The following DPP3 variants were observed in gnomAD, a reference collection of about 807,000 sequenced individuals.
DPP3 encodes DPP III.
Under a neutral mutation model 89.8 loss-of-function variants are expected in DPP3, and 64 were observed. The ratio of observed to expected loss-of-function variants is 0.71; its 90% CI spans 0.58 to 0.88. The LOEUF (loss-of-function observed/expected upper bound fraction) is 0.88. DPP3 is among the 40% of genes least tolerant of loss of function. The pLI, the probability that DPP3 is intolerant of heterozygous loss-of-function variation, is 0.00. For synonymous variants in DPP3, 377 were observed against 404.3 expected (o/e 0.93, Z 0.81); for missense variants, 835 against 972.5 (o/e 0.86, Z 1.88).
Position 66,495,320 on chromosome 11 carries a change from G to A in DPP3, c.1453-45G>A, listed in dbSNP as rs377158023. ...GGGTACTGGGAGGGTGGGCACAGGT[G>A]GGGCAGTGGCCACCTTAAGCCCGAC... On this transcript the variant is annotated intron_variant, in intron 13 of 17. Coordinates refer to ENST00000531863, the MANE Select transcript of DPP3 (RefSeq NM_130443.4). The A allele has an allele frequency of 5.0e-6, 8 of 1,613,782 alleles. No homozygotes were observed. The African/African-American group carries it at 6.7e-5, about 13-fold the overall frequency.
intron 17 of DPP3, among the ~76,000 whole-genome samples, chr11:66,507,852 T>C (rs942398115): frequency 6.6e-6 from 1 of 151,902 alleles, no homozygotes. Flanking sequence ...TAATTTTGTA[T>C]TTTTAGTAGA....
intron 6 of DPP3, among the ~76,000 whole-genome samples, chr11:66,488,705 T>C (rs1006148605): frequency 6.6e-6 from 1 of 151,930 alleles, no homozygotes; most frequent in Non-Finnish European, 1.5e-5. Context: ...GACAGAAGTG[T>C]CCAGGCCTTT....
At position 66,495,820 on chromosome 11, in the gene DPP3, G is replaced by A. The variant is rs972099772; in HGVS notation, c.1698+70G>A. The A allele has an allele frequency of 3.2e-6, 5 of 1,547,736 alleles. No homozygotes were observed. The Admixed American group carries it at 7.8e-5, about 24-fold the overall frequency. Reference sequence around the variant, plus strand: ...GTGGGTGCCAAGATCAGGGTGCAAGGATGGGACCACTGTACCTTTAAGGCA... The same window carrying A: ...GTGGGTGCCAAGATCAGGGTGCAAGAATGGGACCACTGTACCTTTAAGGCA... On this transcript the variant is annotated intron_variant, in intron 15 of 17. Coordinates refer to ENST00000531863, the MANE Select transcript of DPP3 (RefSeq NM_130443.4).
intron 3 of DPP3, among the ~76,000 whole-genome samples, chr11:66,485,711 A>G (rs1210710876): frequency 6.6e-6 from 1 of 152,100 alleles, no homozygotes; most frequent in Non-Finnish European, 1.5e-5. Flanking sequence ...GCTGACATGC[A>G]GCATCTGATT....
chr11:66,498,726 A>G (rs1855604942), intron 16 of DPP3, among the ~76,000 whole-genome samples: 1 of 152,198 alleles, frequency 6.6e-6, no homozygotes, highest in Non-Finnish European at 1.5e-5. Context: ...GTACACCAAT[A>G]AAACTGCTCA....
intron 3 of DPP3, 33 bp downstream of exon 3, chr11:66,485,295 TG>T (rs767245760): frequency 1.3e-6 from 2 of 1,551,044 alleles, no homozygotes; most frequent in Non-Finnish European, 1.8e-6. Flanking sequence ...AAGGTGGGGA[TG>T]GGGGGCTGGT....
chr11:66,485,339 C>A, intron 3 of DPP3, 77 bp downstream of exon 3: 1 of 1,414,564 alleles, frequency 7.1e-7, no homozygotes, highest in Non-Finnish European at 9.8e-7. Context: ...TAGAAGGAGC[C>A]CCAACTGGAG....
At position 66,490,548 on chromosome 11, in the gene DPP3, T is replaced by C. The variant is rs7937168; in HGVS notation, c.668-705T>C. On this transcript the variant is annotated intron_variant, in intron 6 of 17. Coordinates refer to ENST00000531863, the MANE Select transcript of DPP3 (RefSeq NM_130443.4). ...TCTTGTCTCCCCATGGGACTGTCGA[T>C]TACATTTGGGATGTGGCTGTCTTTT... 6.8e-3 allele frequency among the ~76,000 whole-genome samples: 1,029 copies of C among 152,070 alleles called. 14 individuals are homozygous for C. Among genetic ancestry groups the C allele is most frequent in the African/African-American group, 0.022 (930 of 41,462 alleles).
intron 17 of DPP3, among the ~76,000 whole-genome samples, chr11:66,507,279 A>C (rs1375400516): frequency 6.6e-6 from 1 of 151,994 alleles, no homozygotes; most frequent in Non-Finnish European, 1.5e-5. Flanking sequence ...CGTCCTGGCT[A>C]ACACGGTGAA....
At chr11:66,491,443 G>A in intron 7 of DPP3, 51 bp from the exon 8 acceptor site, 1 of 1,600,672 alleles carries the variant, frequency 6.2e-7, no homozygotes, top group Non-Finnish European at 8.5e-7. Context: ...AGCAGAGCGG[G>A]TGTGGAGGTG....
intron 12 of DPP3, among the ~76,000 whole-genome samples, chr11:66,494,093 C>T (rs551069113): frequency 6.6e-6 from 1 of 152,132 alleles, no homozygotes; most frequent in Non-Finnish European, 1.5e-5. Flanking sequence ...GCTGCTGTTC[C>T]GTGGAACCTG....
chr11:66,481,178 A>G (rs1259847634), intron 1 of DPP3, among the ~76,000 whole-genome samples: 1 of 152,182 alleles, frequency 6.6e-6, no homozygotes, highest in Non-Finnish European at 1.5e-5. Context: ...TTGTGAGCAC[A>G]GTGGAAAGTG....
chr11:66,487,285 C>G lies in DPP3; in HGVS notation c.516C>G (p.Phe172Leu). 1 of 1,614,034 alleles carries G rather than the reference C, an allele frequency of 6.2e-7. No homozygotes were observed. The highest frequency in any genetic ancestry group is 1.3e-5 in the African/African-American group (1 of 75,026). The change falls in exon 5 of 18, where the codon TTC (phenylalanine) becomes TTG (leucine). Residue 172 changes from phenylalanine (F) to leucine (L), a missense_variant. Coordinates refer to ENST00000531863, the MANE Select transcript of DPP3 (RefSeq NM_130443.4). ...GLGKEGITTYFSGNCTMEDAK... is the reference protein window; with the variant it reads ...GLGKEGITTYLSGNCTMEDAK... ...CCCAACAGGGAATCACCACCTATTT[C>G]TCTGGGAATTGTACCATGGAAGATG...
chr11:66,490,356 C>T (rs182979423), intron 6 of DPP3, among the ~76,000 whole-genome samples: 1 of 152,296 alleles, frequency 6.6e-6, no homozygotes, highest in African/African-American at 2.4e-5. Flanking sequence ...TATTCTATTA[C>T]AGTTGTGGAG....
intron 9 of DPP3, 22 bp downstream of exon 9, chr11:66,491,778 T>A: frequency 6.2e-7 from 1 of 1,612,336 alleles, no homozygotes; most frequent in Non-Finnish European, 8.5e-7. Context: ...AGGGAGGAGG[T>A]CAGTCACAGT....
chr11:66,486,403 A>G, intron 3 of DPP3, 137 bp from the exon 4 acceptor site: 1 of 1,116,908 alleles, frequency 9.0e-7, no homozygotes, highest in Non-Finnish European at 1.2e-6. Flanking sequence ...CAGGACCTAC[A>G]AGTGCTGCTG....
chr11:66,489,876 C>T (rs1380303782), intron 6 of DPP3, among the ~76,000 whole-genome samples: 1 of 152,262 alleles, frequency 6.6e-6, no homozygotes, highest in East Asian at 1.9e-4. Flanking sequence ...TAGCTGGGCT[C>T]CAAGAGTGAG....
intron 7 of DPP3, 53 bp from the exon 8 acceptor site, chr11:66,491,441 G>A (rs537547602): frequency 1.9e-5 from 31 of 1,600,414 alleles, no homozygotes; most frequent in South Asian, 3.3e-5. Flanking sequence ...GCAGCAGAGC[G>A]GGTGTGGAGG....
chr11:66,504,312 C>T (rs1855749575), intron 16 of DPP3, among the ~76,000 whole-genome samples: 1 of 152,018 alleles, frequency 6.6e-6, no homozygotes, highest in African/African-American at 2.4e-5. Flanking sequence ...TGGTCTCAAA[C>T]TCCTGGGCTC....
Sources: allele counts gnomAD v4.1 joint callset (sites outside exome capture counted in the v4.1 genomes callset), GRCh38; gene constraint gnomAD v4.1.1; transcripts MANE v1.5; gene names NCBI Gene and HGNC (gene_info 2026-07-23, HGNC 2026-07-21).